Variants in DAB1 observed in about 807,000 individuals in gnomAD.
The protein encoded by DAB1 is disabled homolog 1.
DAB1 carries 15 observed loss-of-function variants against 64.6 expected under a neutral mutation model. The ratio of observed to expected loss-of-function variants is 0.23; its 90% confidence interval spans 0.16 to 0.36. The LOEUF is 0.36. Ranked by LOEUF, DAB1 falls within the 10% of genes least tolerant of loss-of-function variation. The pLI is 1.00. For synonymous variants in DAB1, 235 were observed against 251.9 expected (o/e 0.93, Z 0.64); for missense variants, 596 against 706.7 (o/e 0.84, Z 1.78).
chr1:57,290,095 T>C (rs1672647711), intron 2 of DAB1, among the ~76,000 whole-genome samples: 1 of 152,236 alleles, frequency 6.6e-6, no homozygotes, highest in South Asian at 2.1e-4. Context: ...CAAAGGAGTT[T>C]ATGCAGGACA....
chr1:57,927,501 ACT>A (rs1372906980), intron 5 of DAB1, among the ~76,000 whole-genome samples: 7 of 152,028 alleles, frequency 4.6e-5, no homozygotes, highest in Non-Finnish European at 1.0e-4. Context: ...ACAGAGCAAG[ACT>A]CTGTCTCAAT....
At chr1:57,418,620 C>T (rs1684671934) in intron 1 of DAB1, among the ~76,000 whole-genome samples, 1 of 152,190 alleles carries the variant, frequency 6.6e-6, no homozygotes, top group African/African-American at 2.4e-5. Context: ...AGCCCGCCTT[C>T]ACCACCACAA....
At chr1:58,219,621 C>G (rs930779154) in intron 4 of DAB1, among the ~76,000 whole-genome samples, 1 of 152,198 alleles carries the variant, frequency 6.6e-6, no homozygotes, top group Non-Finnish European at 1.5e-5. Context: ...CCACCCCTTC[C>G]TTAGTCAATT....
At chr1:57,127,730 C>A (rs1657262717) in intron 4 of DAB1, among the ~76,000 whole-genome samples, 1 of 152,182 alleles carries the variant, frequency 6.6e-6, no homozygotes. Context: ...GTCACCTAAT[C>A]TGTAAAATGG....
chr1:58,506,950 C>T (rs1185803336), intron 2 of DAB1, among the ~76,000 whole-genome samples: 2 of 151,140 alleles, frequency 1.3e-5, no homozygotes, highest in Non-Finnish European at 3.0e-5. Flanking sequence ...ACAATTCCAT[C>T]ATACACTCAT....
chr1:57,062,375 T>G lies in DAB1; in HGVS notation c.723+509A>C, dbSNP rs143245065. On this transcript the variant is annotated intron_variant, in intron 9 of 14. Transcript: ENST00000371236. ...ACTTCTCAACCACTTTCAAATTAGATGGGCAGCTCTCTTTCCACAACAGAA... is the reference window on the plus strand; with the variant it reads ...ACTTCTCAACCACTTTCAAATTAGAGGGGCAGCTCTCTTTCCACAACAGAA... 5.9e-5 allele frequency among the ~76,000 whole-genome samples: 9 copies of G among 152,298 alleles called. No individual in the cohort carries two copies. In the East Asian group the frequency reaches 1.7e-3, roughly 29 times the overall value.
intron 5 of DAB1, among the ~76,000 whole-genome samples, chr1:58,051,680 C>T (rs187255773): frequency 6.6e-6 from 1 of 152,150 alleles, no homozygotes; most frequent in Admixed American, 6.5e-5. Context: ...TAAAAGCATT[C>T]CTATTTCTCC....
chr1:57,109,376 CG>C (rs1655452603), intron 4 of DAB1, among the ~76,000 whole-genome samples: 1 of 152,154 alleles, frequency 6.6e-6, no homozygotes, highest in Admixed American at 6.5e-5. Flanking sequence ...GAAAGTGCTT[CG>C]TTTTGAACAC....
At chr1:57,994,334 A>ACT (rs1646393672) in intron 5 of DAB1, among the ~76,000 whole-genome samples, 2 of 152,208 alleles carry the variant, frequency 1.3e-5, no homozygotes, top group African/African-American at 4.8e-5. Flanking sequence ...GAGACCTTGA[A>ACT]GGAAGGAGGA....
At chr1:58,404,546 T>C (rs1644599003) in intron 3 of DAB1, among the ~76,000 whole-genome samples, 1 of 152,132 alleles carries the variant, frequency 6.6e-6, no homozygotes, top group South Asian at 2.1e-4. Context: ...TAGATTAAGT[T>C]TGTCTCCTTC....
intron 3 of DAB1, among the ~76,000 whole-genome samples, chr1:58,361,927 C>T (rs761105135): frequency 8.4e-5 from 11 of 130,236 alleles, no homozygotes; most frequent in South Asian, 7.6e-4. Flanking sequence ...TGGAGTGCAG[C>T]AGTGTGATTT....
chr1:57,304,325 C>A (rs554123992), intron 1 of DAB1, among the ~76,000 whole-genome samples: 5 of 151,876 alleles, frequency 3.3e-5, no homozygotes, highest in Non-Finnish European at 5.9e-5. Context: ...ACCTCCCCCC[C>A]ACACCCTCCC....
intron 4 of DAB1, among the ~76,000 whole-genome samples, chr1:58,236,736 A>C (rs374419728): frequency 7.2e-5 from 11 of 152,226 alleles, no homozygotes; most frequent in African/African-American, 2.7e-4. Context: ...GGGAGGCTGA[A>C]GCTCAAACCG....
chr1:57,343,184 G>T (rs1034817981), intron 1 of DAB1, among the ~76,000 whole-genome samples: 1 of 152,106 alleles, frequency 6.6e-6, no homozygotes, highest in African/African-American at 2.4e-5. Context: ...TCCACATAAA[G>T]GTTCTCCAAG....
intron 1 of DAB1, among the ~76,000 whole-genome samples, chr1:57,334,876 A>G (rs1676955999): frequency 6.6e-6 from 1 of 152,196 alleles, no homozygotes; most frequent in African/African-American, 2.4e-5. Flanking sequence ...CATCCTAGAG[A>G]AAGTTAAAGA....
At chr1:58,513,069 C>T (rs188693318) in intron 2 of DAB1, among the ~76,000 whole-genome samples, 82 of 152,236 alleles carry the variant, frequency 5.4e-4, no homozygotes, top group African/African-American at 1.9e-3. Flanking sequence ...ACCCAAATCT[C>T]GTCAACAACT....
intron 5 of DAB1, among the ~76,000 whole-genome samples, chr1:57,984,077 C>G (rs1235286977): frequency 6.7e-6 from 1 of 149,336 alleles, no homozygotes; most frequent in East Asian, 2.3e-4. Flanking sequence ...CAAGGCAGCC[C>G]CGCTCCAGTA....
chr1:58,530,333 T>C (rs1008420701), intron 1 of DAB1, among the ~76,000 whole-genome samples: 1 of 152,342 alleles, frequency 6.6e-6, no homozygotes, highest in East Asian at 1.9e-4. Flanking sequence ...GTAAAACCAA[T>C]AAATATATTT....
intron 6 of DAB1, among the ~76,000 whole-genome samples, chr1:57,780,312 C>T (rs1377686276): frequency 6.6e-6 from 1 of 151,810 alleles, no homozygotes; most frequent in Non-Finnish European, 1.5e-5. Flanking sequence ...CAGGAGATGG[C>T]CAAAGTGAAA....
Sources: allele counts gnomAD v4.1 joint callset (sites outside exome capture counted in the v4.1 genomes callset), GRCh38; gene constraint gnomAD v4.1.1; transcripts MANE v1.5; gene names NCBI Gene and HGNC (gene_info 2026-07-23, HGNC 2026-07-21).